Variants in RORA observed in about 807,000 individuals in gnomAD.
The protein encoded by RORA is nuclear receptor ROR-alpha.
Under a neutral mutation model 69.5 loss-of-function variants are expected in RORA, and 7 were observed. That is an observed-to-expected ratio of 0.10 (90% confidence interval 0.06 to 0.19). The LOEUF (loss-of-function observed/expected upper bound fraction) is 0.19. Among genes scored for constraint, RORA ranks in the 10% least tolerant of loss-of-function variants. The pLI, the probability that RORA is intolerant of heterozygous loss-of-function variation, is 1.00. For missense variants in RORA, 457 were observed against 663.0 expected (o/e 0.69, Z 3.41); for synonymous variants, 261 against 240.8 (o/e 1.08, Z -0.78).
intron 1 of RORA, among the ~76,000 whole-genome samples, chr15:60,929,479 C>T (rs1055863489): frequency 6.6e-6 from 1 of 152,172 alleles, no homozygotes. Flanking sequence ...TTTCCATCCT[C>T]CTGGTTCTGC....
intron 1 of RORA, among the ~76,000 whole-genome samples, chr15:60,692,654 G>C (rs1039007981): frequency 6.6e-5 from 10 of 152,214 alleles, no homozygotes; most frequent in African/African-American, 2.4e-4. Flanking sequence ...CAAAATGTTG[G>C]TAAGGCTGAA....
At chr15:60,980,426 T>G (rs1387517366) in intron 1 of RORA, among the ~76,000 whole-genome samples, 1 of 152,148 alleles carries the variant, frequency 6.6e-6, no homozygotes, top group African/African-American at 2.4e-5. Context: ...CCTCTGCTAT[T>G]TTTTTGGAAA....
At chr15:60,932,700 G>A (rs890911879) in intron 1 of RORA, among the ~76,000 whole-genome samples, 4 of 152,166 alleles carry the variant, frequency 2.6e-5, no homozygotes, top group Admixed American at 2.6e-4. Context: ...TGACTCAGTA[G>A]GTGGTTCCGA....
chr15:61,184,222 T>C (rs2079716971), intron 1 of RORA, among the ~76,000 whole-genome samples: 1 of 152,170 alleles, frequency 6.6e-6, no homozygotes, highest in Non-Finnish European at 1.5e-5. Context: ...GTCTATCCCT[T>C]CACAACACAC....
chr15:60,854,280 A>T (rs1300520595), intron 1 of RORA, among the ~76,000 whole-genome samples: 1 of 152,182 alleles, frequency 6.6e-6, no homozygotes, highest in Admixed American at 6.5e-5. Context: ...TAAATAAATA[A>T]AAATAAATGA....
chr15:61,121,803 C>CTTAG (rs955497114), intron 1 of RORA, among the ~76,000 whole-genome samples: 7 of 149,340 alleles, frequency 4.7e-5, no homozygotes, highest in African/African-American at 1.5e-4. Context: ...CCTCAAAGCC[C>CTTAG]TTAGCAATGT....
chr15:61,099,372 A>C (rs1275710313), intron 1 of RORA, among the ~76,000 whole-genome samples: 5 of 152,140 alleles, frequency 3.3e-5, no homozygotes, highest in Non-Finnish European at 5.9e-5. Context: ...TTATCTCCTA[A>C]AGGACAGTCT....
chr15:61,214,524 T>G (rs538916285), intron 1 of RORA, among the ~76,000 whole-genome samples: 1 of 152,336 alleles, frequency 6.6e-6, no homozygotes, highest in African/African-American at 2.4e-5. Context: ...CAATCTCATC[T>G]CTATGGACAA....
chr15:60,979,019 T>TG (rs1235100623), intron 1 of RORA, among the ~76,000 whole-genome samples: 1 of 142,236 alleles, frequency 7.0e-6, no homozygotes. Flanking sequence ...TGGAGTGCAG[T>TG]GGTGCGATCT....
At chr15:60,525,099 C>A in intron 3 of RORA, among the ~76,000 whole-genome samples, 1 of 151,900 alleles carries the variant, frequency 6.6e-6, no homozygotes. Flanking sequence ...AAAACAAACA[C>A]GCAAAAAAAC....
At chr15:60,665,785 G>C (rs375439652) in intron 2 of RORA, among the ~76,000 whole-genome samples, 1 of 151,776 alleles carries the variant, frequency 6.6e-6, no homozygotes, top group South Asian at 2.1e-4. Flanking sequence ...AGCAATTCTC[G>C]TGCCTCAGCC....
At chr15:61,200,246 G>T (rs2079882982) in intron 1 of RORA, among the ~76,000 whole-genome samples, 2 of 152,160 alleles carry the variant, frequency 1.3e-5, no homozygotes, top group African/African-American at 4.8e-5. Flanking sequence ...GAATGGCCTA[G>T]AAAGCTATAT....
intron 1 of RORA, among the ~76,000 whole-genome samples, chr15:61,115,237 C>T (rs2079040641): frequency 6.6e-6 from 1 of 151,726 alleles, no homozygotes; most frequent in Non-Finnish European, 1.5e-5. Flanking sequence ...GCTGCCTTTA[C>T]TGGGAGGTGC....
chr15:60,704,788 C>T (rs1053470667), intron 1 of RORA, among the ~76,000 whole-genome samples: 1 of 152,078 alleles, frequency 6.6e-6, no homozygotes, highest in African/African-American at 2.4e-5. Flanking sequence ...AGTTCCAGAC[C>T]ATGGTTACCT....
intron 1 of RORA, among the ~76,000 whole-genome samples, chr15:61,076,831 G>A (rs2078456655): frequency 6.6e-6 from 1 of 152,084 alleles, no homozygotes; most frequent in South Asian, 2.1e-4. Context: ...TTTAAATGTG[G>A]GTGACTCTTG....
chr15:60,840,976 G>A (rs1475713184), intron 1 of RORA: 2 of 393,340 alleles, frequency 5.1e-6, no homozygotes, highest in African/African-American at 2.2e-5. Flanking sequence ...GGGGAGGGAG[G>A]GTAGCGACAA....
intron 1 of RORA, among the ~76,000 whole-genome samples, chr15:60,860,154 T>C (rs1018646969): frequency 2.0e-5 from 3 of 152,158 alleles, no homozygotes; most frequent in Non-Finnish European, 2.9e-5. Flanking sequence ...ATGGTCCGGA[T>C]TGAGATCAGA....
Position 61,213,089 on chromosome 15 carries a change from C to T in RORA, c.166+15964G>A, listed in dbSNP as rs539269902. Among the ~76,000 whole-genome samples the T allele has an allele frequency of 4.6e-5, 7 of 152,246 alleles. No individual in the cohort carries two copies. The highest frequency in any genetic ancestry group is 1.3e-4 in the Admixed American group (2 of 15,290). ...TGTCCCTGGAACTTCCAACTCAGCC[C>T]ATCCCAAATTGAACCCATGCCTTCT... On this transcript the variant is annotated intron_variant, in intron 1 of 10. Coordinates refer to ENST00000335670, the MANE Select transcript of RORA (RefSeq NM_134261.3). This position sits in a 1 kb window ranked among gnomAD's most constrained non-coding sequence, Gnocchi z 4.1.
At position 60,562,485 on chromosome 15, in the gene RORA, G is replaced by C. The variant is rs2067595615; in HGVS notation, c.197-30634C>G. Among the ~76,000 whole-genome samples the C allele has an allele frequency of 2.6e-5, 4 of 151,902 alleles. No individual in the cohort carries two copies. The South Asian group carries it at 8.3e-4, about 32-fold the overall frequency. On this transcript the variant is annotated intron_variant, in intron 2 of 10. Coordinates refer to ENST00000335670, the MANE Select transcript of RORA (RefSeq NM_134261.3). ...GAGTCTTGCTCTGTCGCCCAGGCTG[G>C]AGTGCAGTGGCTCTATCTCGGCCCA...
Sources: gnomAD v4.1 joint callset for allele counts (sites outside exome capture counted in the v4.1 genomes callset) on GRCh38, gnomAD v4.1.1 for gene constraint, Gnocchi (gnomAD v3.1) non-coding constraint, MANE v1.5 for transcripts, NCBI Gene and HGNC (gene_info 2026-07-23, HGNC 2026-07-21) for gene names.